TAF1: variants seen among roughly 807,000 people sequenced by gnomAD.
The protein encoded by TAF1 is transcription initiation factor TFIID subunit 1.
TAF1 carries 2 observed loss-of-function variants against 138.5 expected under a neutral mutation model. That is an observed-to-expected ratio of 0.01 (90% CI 0.01 to 0.05). The LOEUF is 0.05. TAF1 is among the 10% of genes least tolerant of loss of function. The pLI, the probability that TAF1 is intolerant of heterozygous loss-of-function variation, is 1.00. For missense variants in TAF1, 709 were observed against 1,478.0 expected, an observed-to-expected ratio of 0.48 and a Z score of 8.53; for synonymous variants, 437 against 503.2, an observed-to-expected ratio of 0.87 and a Z score of 1.76.
chrX:71,455,064 TG>T, intron 34 of TAF1: 1 of 1,150,772 alleles, frequency 8.7e-7, no homozygotes, highest in Non-Finnish European at 1.2e-6. Flanking sequence ...AAGGCAGCTG[TG>T]GGATGAATGA....
intron 13 of TAF1, among the ~76,000 whole-genome samples, chrX:71,520,376 T>A (rs2039910284): frequency 9.1e-6 from 1 of 110,169 alleles, no homozygotes; most frequent in African/African-American, 3.3e-5. Flanking sequence ...AGATTGCTCA[T>A]AACCCATTTA....
intron 24 of TAF1, among the ~76,000 whole-genome samples, chrX:71,400,602 T>C (rs1440895231): frequency 1.8e-5 from 2 of 111,907 alleles, no homozygotes; most frequent in African/African-American, 3.2e-5. Flanking sequence ...GAAAGAGCCA[T>C]GAGCTTGGAA....
At chrX:71,379,918 T>C (rs763625579) in intron 8 of TAF1, among the ~76,000 whole-genome samples, 8 of 111,569 alleles carry the variant, frequency 7.2e-5, no homozygotes, top group Non-Finnish European at 1.5e-4. Flanking sequence ...TAAAGATCTT[T>C]CTGAACTATA....
chrX:71,479,789 C>G (rs1395568919), intron 13 of TAF1, among the ~76,000 whole-genome samples: 1 of 110,535 alleles, frequency 9.0e-6, no homozygotes, highest in East Asian at 2.8e-4. Context: ...GTCAGATATA[C>G]TTTTGTATTT....
chrX:71,405,033 T>A (rs2035388703), intron 25 of TAF1, among the ~76,000 whole-genome samples: 1 of 100,708 alleles, frequency 9.9e-6, no homozygotes, highest in Non-Finnish European at 2.0e-5. Context: ...CCCAGCTCAC[T>A]GCAACCTCCG....
At chrX:71,519,853 C>T (rs1032099088) in intron 13 of TAF1, among the ~76,000 whole-genome samples, 38 of 109,499 alleles carry the variant, frequency 3.5e-4, no homozygotes, top group East Asian at 1.2e-3. Flanking sequence ...TCACCCAGGC[C>T]GGAGTGCAGT....
At chrX:71,389,762 A>T in intron 18 of TAF1, 97 bp downstream of exon 18, 1 of 651,541 alleles carries the variant, frequency 1.5e-6, no homozygotes, top group Middle Eastern at 4.2e-4. Flanking sequence ...TAAACTGTAC[A>T]CATTTAAAGT....
intron 8 of TAF1, among the ~76,000 whole-genome samples, chrX:71,380,155 C>G (rs1273852993): frequency 9.0e-6 from 1 of 111,073 alleles, no homozygotes; most frequent in Non-Finnish European, 1.9e-5. Flanking sequence ...TAGTTGAGCT[C>G]ATTTCCGTAT....
chrX:71,428,011 A>ATTTTTT (rs779199962), intron 32 of TAF1, among the ~76,000 whole-genome samples: 2 of 74,457 alleles, frequency 2.7e-5, no homozygotes, highest in Non-Finnish European at 4.7e-5. Flanking sequence ...GATTAGCTCA[A>ATTTTTT]TTTTTTTTTT....
intron 13 of TAF1, among the ~76,000 whole-genome samples, chrX:71,513,201 G>A (rs184242056): frequency 1.1e-4 from 12 of 111,579 alleles, no homozygotes; most frequent in African/African-American, 3.3e-4. Flanking sequence ...AGGCCCTAAC[G>A]TGTTTAAGGC....
chrX:71,371,478 A>G (rs1187779946), intron 3 of TAF1, among the ~76,000 whole-genome samples: 2 of 111,700 alleles, frequency 1.8e-5, no homozygotes, highest in Non-Finnish European at 3.8e-5. Context: ...AGGTTTGGAG[A>G]TATTTAGAAA....
intron 3 of TAF1, among the ~76,000 whole-genome samples, chrX:71,370,276 C>T (rs1427213254): frequency 3.6e-5 from 4 of 111,086 alleles, no homozygotes; most frequent in South Asian, 7.6e-4. Context: ...ATTTAGTGGT[C>T]TGGAATCTAG....
At chrX:71,424,904 C>T (rs962255066) in intron 32 of TAF1, among the ~76,000 whole-genome samples, 18 of 112,158 alleles carry the variant, frequency 1.6e-4, no homozygotes, top group African/African-American at 5.2e-4. Flanking sequence ...GGATTACAGG[C>T]GTGAGCCACT....
chrX:71,424,414 CTTTTTTTTT>C (rs140301261), intron 32 of TAF1, among the ~76,000 whole-genome samples, 176 bp downstream of exon 32: 6 of 29,939 alleles, frequency 2.0e-4, no homozygotes, highest in South Asian at 2.0e-3. Flanking sequence ...GTGCCAGGCT[CTTTTTTTTT>C]TTTTTTTTTT....
intron 28 of TAF1, among the ~76,000 whole-genome samples, chrX:71,418,761 ATTTTTTTTTTT>A (rs1259701142): frequency 4.2e-5 from 3 of 70,673 alleles, no homozygotes; most frequent in African/African-American, 1.2e-4. Flanking sequence ...CAGTATGGAG[ATTTTTTTTTTT>A]TTTTTTTTTT....
chrX:71,479,929 TA>T (rs764435854), intron 13 of TAF1, among the ~76,000 whole-genome samples: 1 of 111,336 alleles, frequency 9.0e-6, no homozygotes, highest in South Asian at 3.8e-4. Flanking sequence ...AGAAAATTTT[TA>T]AAAGACCTAT....
At chrX:71,453,691 C>T (rs1486340732) in intron 32 of TAF1, among the ~76,000 whole-genome samples, 1 of 110,278 alleles carries the variant, frequency 9.1e-6, no homozygotes, top group Non-Finnish European at 1.9e-5. Context: ...ATTATATTAT[C>T]AGACATAATT....
chrX:71,398,856 T>A (rs1266066474), intron 24 of TAF1, 119 bp downstream of exon 24: 2 of 1,009,697 alleles, frequency 2.0e-6, no homozygotes, highest in East Asian at 3.4e-5. Context: ...GGAAAGCTGG[T>A]TTGAATTGAT....
rs1449989526 is a variant in TAF1 at position 71,514,324 on chromosome X, A to AAAGC, written c.1367-14215_1367-14212dup. 6.4e-5 allele frequency among the ~76,000 whole-genome samples: 7 copies of AAAGC among 110,078 alleles called. No individual in the cohort carries two copies. The Admixed American group carries it at 6.9e-4, about 11-fold the overall frequency. Reference sequence around the variant, plus strand: ...GGTAGAGTGAGATCCCTGTCTCAGAAAAGCAAACAAACAAACAAACAAACA... The same window carrying AAAGC: ...GGTAGAGTGAGATCCCTGTCTCAGAAAAGCAAGCAAACAAACAAACAAACAAACA... On this transcript the variant is annotated intron_variant and NMD_transcript_variant, in intron 13 of 14. Coordinates refer to the TAF1 transcript ENST00000373775.
Sources: gnomAD v4.1 joint callset for allele counts (sites outside exome capture counted in the v4.1 genomes callset) on GRCh38, gnomAD v4.1.1 for gene constraint, MANE v1.5 for transcripts, NCBI Gene and HGNC (gene_info 2026-07-23, HGNC 2026-07-21) for gene names.